Variants in ABCC1 observed in about 807,000 individuals in gnomAD.
ABCC1 encodes the protein multidrug resistance-associated protein 1.
Under a neutral mutation model 172.9 loss-of-function variants are expected in ABCC1, and 83 were observed. That is an observed-to-expected ratio of 0.48 (90% CI 0.40 to 0.58). The LOEUF is 0.58. Among genes scored for constraint, ABCC1 ranks in the 20% least tolerant of loss-of-function variants. The pLI, the probability that ABCC1 is intolerant of heterozygous loss-of-function variation, is 0.00. For missense variants in ABCC1, 1,817 were observed against 2,002.7 expected (o/e 0.91, Z 1.77); for synonymous variants, 937 against 825.2 (o/e 1.14, Z -2.32).
chr16:16,141,336 G>C lies in ABCC1; in HGVS notation c.*55G>C. On this transcript the variant is annotated 3_prime_UTR_variant, in exon 31 of 31. Coordinates refer to ENST00000399410, the MANE Select transcript of ABCC1 (RefSeq NM_004996.4). ...TGCAGGGCCTATATGCCAGCGCCCA[G>C]GGAGGAGTCAGTACCCCTGGTAAAC... The C allele has an allele frequency of 1.3e-6, 2 of 1,544,956 alleles. No homozygotes were observed. The highest frequency in any genetic ancestry group is 1.8e-6 in the Non-Finnish European group (2 of 1,121,338).
intron 23 of ABCC1, among the ~76,000 whole-genome samples, chr16:16,118,939 C>G (rs74363592): frequency 6.9e-6 from 1 of 145,958 alleles, no homozygotes; most frequent in Non-Finnish European, 1.5e-5. Context: ...TTCTCAGCAT[C>G]TTGATTCATA....
At chr16:16,082,945 G>C (rs1330884603) in intron 16 of ABCC1, among the ~76,000 whole-genome samples, 1 of 152,192 alleles carries the variant, frequency 6.6e-6, no homozygotes, top group African/African-American at 2.4e-5. Flanking sequence ...ACTGCGCCTA[G>C]TCAAGTTAGA....
chr16:16,108,460 G>A (rs1178165003), intron 21 of ABCC1, among the ~76,000 whole-genome samples: 1 of 151,394 alleles, frequency 6.6e-6, no homozygotes, highest in Non-Finnish European at 1.5e-5. Flanking sequence ...CGGTAGAGAT[G>A]GCGTTTCACT....
At position 16,052,590 on chromosome 16, in the gene ABCC1, TG is replaced by T. The variant is rs574758284; in HGVS notation, c.1381-130del. The T allele has an allele frequency of 1.6e-4, 116 of 723,926 alleles. No individual in the cohort carries two copies. In the African/African-American group the frequency reaches 1.8e-3, roughly 11 times the overall value. The allele number at this position is 723,926 out of a possible 1,614,324, so 44.8% of individuals were successfully genotyped here. A position where few individuals can be genotyped will look rare whatever the true frequency, so the allele number is the denominator to read the frequency against. The stretch of plus-strand genomic sequence containing the variant: ...ACCACAGGCTCTTAACACCCTATTG[TG>T]GGGTAAAAGTAACACACCTTGCCCT... On this transcript the variant is annotated intron_variant, in intron 10 of 30. Transcript: ENST00000399410.
chr16:16,052,012 C>T (rs2049450410), intron 10 of ABCC1, among the ~76,000 whole-genome samples: 1 of 152,178 alleles, frequency 6.6e-6, no homozygotes, highest in South Asian at 2.1e-4. Flanking sequence ...GGGAAAGTCG[C>T]TTGAGCCCAT....
chr16:15,957,670 A>G (rs189689244), intron 1 of ABCC1, among the ~76,000 whole-genome samples: 277 of 152,248 alleles, frequency 1.8e-3, no homozygotes, highest in African/African-American at 6.0e-3. Flanking sequence ...ATCTTGGCTC[A>G]CTGCAACCTC....
chr16:16,095,646 C>G (rs768717353), intron 19 of ABCC1, among the ~76,000 whole-genome samples: 11 of 152,142 alleles, frequency 7.2e-5, no homozygotes, highest in Non-Finnish European at 1.6e-4. Flanking sequence ...GATCTTTATT[C>G]CAACAATGTG....
chr16:16,001,421 C>T (rs1003484891), intron 1 of ABCC1, among the ~76,000 whole-genome samples: 2 of 151,940 alleles, frequency 1.3e-5, no homozygotes, highest in Non-Finnish European at 1.5e-5. Flanking sequence ...ACTGTGGTCT[C>T]GATCTGCTGA....
At chr16:16,139,854 C>T (rs2046066236) in intron 30 of ABCC1, among the ~76,000 whole-genome samples, 1 of 152,092 alleles carries the variant, frequency 6.6e-6, no homozygotes, top group Non-Finnish European at 1.5e-5. Flanking sequence ...GAAAAGGAGT[C>T]AGCCTTGAGA....
At chr16:15,989,133 C>T (rs116076222) in intron 1 of ABCC1, among the ~76,000 whole-genome samples, 2,425 of 150,228 alleles carry the variant, frequency 0.016, 59 homozygotes, top group African/African-American at 0.054. Context: ...GTGTCTTGGA[C>T]GTGAGGATTT....
At chr16:16,026,715 A>G (rs1034249892) in intron 5 of ABCC1, among the ~76,000 whole-genome samples, 1 of 152,010 alleles carries the variant, frequency 6.6e-6, no homozygotes. Context: ...CAGGAGTTCG[A>G]GACCAGCCTA....
At chr16:16,075,975 G>A (rs905239051) in intron 14 of ABCC1, among the ~76,000 whole-genome samples, 1 of 149,348 alleles carries the variant, frequency 6.7e-6, no homozygotes, top group Admixed American at 6.7e-5. Context: ...AGCTGGAGCT[G>A]CCCCGAACCT....
chr16:15,994,626 A>C (rs938028688), intron 1 of ABCC1, among the ~76,000 whole-genome samples: 3 of 152,054 alleles, frequency 2.0e-5, no homozygotes, highest in Non-Finnish European at 2.9e-5. Context: ...TAGCTTTCTT[A>C]TTATTATTTT....
intron 1 of ABCC1, 70 bp downstream of exon 1, chr16:15,949,869 C>A: frequency 8.7e-7 from 1 of 1,144,476 alleles, no homozygotes; most frequent in South Asian, 4.3e-5. Flanking sequence ...GCACCGGGCC[C>A]GCAGCCGCCC....
At chr16:16,106,715 A>C in intron 20 of ABCC1, 23 bp from the exon 21 acceptor site, 1 of 1,613,630 alleles carries the variant, frequency 6.2e-7, no homozygotes, top group Non-Finnish European at 8.5e-7. Flanking sequence ...TACGGTTGAC[A>C]CCCTTGTGCT....
chr16:15,954,397 G>T (rs2045942124), intron 1 of ABCC1, among the ~76,000 whole-genome samples: 1 of 152,032 alleles, frequency 6.6e-6, no homozygotes, highest in African/African-American at 2.4e-5. Context: ...TGGAGTGTTA[G>T]AGTGGAAAGG....
chr16:16,132,055 TGGCTTTTTGGGG>T lies in ABCC1; in HGVS notation c.3966+125_3966+136del, dbSNP rs1596552103. 5 of 1,301,220 alleles carry T rather than the reference TGGCTTTTTGGGG, an allele frequency of 3.8e-6. No individual in the cohort carries two copies. The East Asian group carries it at 9.8e-5, about 25-fold the overall frequency. 80.6% of individuals were successfully genotyped at this position (1,301,220 alleles called of 1,614,324 possible). The stretch of plus-strand genomic sequence containing the variant: ...TCACGGCTCCACACCTTTGCTTGAA[TGGCTTTTTGGGG>T]GGCTGGGAGTGGACTGTGGCAGTAA... On this transcript the variant is annotated intron_variant, in intron 27 of 30. Coordinates refer to ENST00000399410, the MANE Select transcript of ABCC1 (RefSeq NM_004996.4).
intron 16 of ABCC1, 46 bp from the exon 17 acceptor site, chr16:16,083,320 A>T (rs1596474207): frequency 6.3e-7 from 1 of 1,591,230 alleles, no homozygotes; most frequent in Non-Finnish European, 8.6e-7. Context: ...CGTTGATCAG[A>T]TCTGTCTGTG....
intron 15 of ABCC1, among the ~76,000 whole-genome samples, 159 bp downstream of exon 15, chr16:16,076,560 T>C (rs2050581366): frequency 6.6e-6 from 1 of 152,210 alleles, no homozygotes; most frequent in Non-Finnish European, 1.5e-5. Flanking sequence ...TGGGTGCAGA[T>C]ACACCTGCTT....
Sources: gnomAD v4.1 joint callset for allele counts (sites outside exome capture counted in the v4.1 genomes callset) on GRCh38, gnomAD v4.1.1 for gene constraint, MANE v1.5 for transcripts, NCBI Gene and HGNC (gene_info 2026-07-23, HGNC 2026-07-21) for gene names.